The following ELMO1 variants were observed in gnomAD, a reference collection of about 807,000 sequenced individuals.
ELMO1 encodes engulfment and cell motility protein 1.
A neutral mutation model predicts 98.9 loss-of-function variants in ELMO1; 26 were observed. The ratio of observed to expected loss-of-function variants is 0.26; its 90% CI spans 0.19 to 0.36. ELMO1 has a LOEUF of 0.36. ELMO1 is among the 10% of genes least tolerant of loss of function. ELMO1 has a pLI of 1.00. For synonymous variants in ELMO1, 346 were observed against 346.0 expected, an observed-to-expected ratio of 1.00 and a Z score of 0.00; for missense variants, 627 against 935.2, an observed-to-expected ratio of 0.67 and a Z score of 4.30.
At chr7:37,088,936 G>A (rs1008008257) in intron 15 of ELMO1, among the ~76,000 whole-genome samples, 2 of 152,096 alleles carry the variant, frequency 1.3e-5, no homozygotes, top group Non-Finnish European at 2.9e-5. Flanking sequence ...AAAATTCAGG[G>A]CAGAATCAAG....
intron 16 of ELMO1, among the ~76,000 whole-genome samples, chr7:36,912,952 A>C (rs1486840498): frequency 6.6e-6 from 1 of 152,136 alleles, no homozygotes; most frequent in Non-Finnish European, 1.5e-5. Flanking sequence ...TCCCACTATA[A>C]AGCTTATTTT....
chr7:36,939,828 A>G (rs918977684), intron 16 of ELMO1, among the ~76,000 whole-genome samples: 3 of 152,256 alleles, frequency 2.0e-5, no homozygotes, highest in African/African-American at 7.2e-5. Context: ...GGCCGGAGGC[A>G]TGCGTGGAGT....
At chr7:37,086,477 T>C (rs1369160062) in intron 15 of ELMO1, among the ~76,000 whole-genome samples, 1 of 151,844 alleles carries the variant, frequency 6.6e-6, no homozygotes, top group African/African-American at 2.4e-5. Flanking sequence ...GCGCAGTGGC[T>C]CACACCTGTA....
rs144313321 is a variant in ELMO1, at chr7:36,898,828, G to A, written c.1438-3811C>T. Among the ~76,000 whole-genome samples the A allele has an allele frequency of 3.3e-3, 502 of 152,334 alleles. 7 individuals carry two copies. Among genetic ancestry groups the A allele is most frequent in the South Asian group, 0.026 (125 of 4,826 alleles). On this transcript the variant is annotated intron_variant, in intron 16 of 21. Coordinates refer to ENST00000310758, the MANE Select transcript of ELMO1 (RefSeq NM_014800.11). ...CGACACTGGAGGCCCTGTGCCGGAT[G>A]AGCTCTCAGCCTGGGACAGTGGAAA... is the stretch of plus-strand genomic sequence containing the variant.
chr7:36,900,331 A>G (rs1355387135), intron 16 of ELMO1, among the ~76,000 whole-genome samples: 1 of 152,224 alleles, frequency 6.6e-6, no homozygotes, highest in Non-Finnish European at 1.5e-5. Context: ...GAGGGCAGGA[A>G]CTATTTCTTA....
chr7:37,359,284 A>T (rs1458954627), intron 1 of ELMO1, among the ~76,000 whole-genome samples: 1 of 152,226 alleles, frequency 6.6e-6, no homozygotes, highest in East Asian at 1.9e-4. Context: ...AGCAGAATAC[A>T]GCAGTTAACA....
At chr7:36,877,981 TC>T in intron 19 of ELMO1, 28 bp downstream of exon 19, 1 of 1,563,990 alleles carries the variant, frequency 6.4e-7, no homozygotes, top group Non-Finnish European at 8.8e-7. Context: ...CGACCACCAC[TC>T]AGGCCTCTGC....
intron 19 of ELMO1, among the ~76,000 whole-genome samples, chr7:36,872,417 C>T (rs1036835718): frequency 2.0e-5 from 3 of 152,208 alleles, no homozygotes; most frequent in South Asian, 2.1e-4. Context: ...TGTTGTATAA[C>T]GTGAGTGAGA....
At chr7:37,169,951 G>T (rs1477903595) in intron 13 of ELMO1, among the ~76,000 whole-genome samples, 1 of 152,066 alleles carries the variant, frequency 6.6e-6, no homozygotes, top group Non-Finnish European at 1.5e-5. Context: ...ACCCAGGCTG[G>T]AGTGCAATGG....
At chr7:37,425,003 G>C (rs895257685) in intron 1 of ELMO1, among the ~76,000 whole-genome samples, 7 of 152,106 alleles carry the variant, frequency 4.6e-5, no homozygotes, top group Non-Finnish European at 8.8e-5. Context: ...AAACAAAGAT[G>C]AAAGATGAAA....
At chr7:37,097,891 T>C (rs957364449) in intron 14 of ELMO1, among the ~76,000 whole-genome samples, 3 of 152,322 alleles carry the variant, frequency 2.0e-5, no homozygotes, top group African/African-American at 7.2e-5. Flanking sequence ...GCTCAATCCC[T>C]CCTCTGAAAA....
At chr7:36,931,787 G>T (rs1233205741) in intron 16 of ELMO1, among the ~76,000 whole-genome samples, 1 of 152,170 alleles carries the variant, frequency 6.6e-6, no homozygotes, top group East Asian at 1.9e-4. Context: ...CGTAACCTTG[G>T]GCACACGTGG....
intron 15 of ELMO1, among the ~76,000 whole-genome samples, chr7:37,048,406 G>C (rs1248779024): frequency 3.9e-5 from 6 of 152,178 alleles, no homozygotes. Context: ...TTATATAACT[G>C]ATTCCAATTC....
At chr7:37,164,725 G>A (rs1318112210) in intron 13 of ELMO1, among the ~76,000 whole-genome samples, 1 of 149,826 alleles carries the variant, frequency 6.7e-6, no homozygotes, top group African/African-American at 2.4e-5. Context: ...GTACCATGCT[G>A]TTTTGGTTAC....
chr7:37,325,361 A>G (rs1799744835), intron 2 of ELMO1, among the ~76,000 whole-genome samples: 1 of 152,214 alleles, frequency 6.6e-6, no homozygotes, highest in African/African-American at 2.4e-5. Context: ...GTTAATGAAC[A>G]TTGATTAAAA....
intron 16 of ELMO1, among the ~76,000 whole-genome samples, chr7:36,921,898 G>T (rs1785178417): frequency 6.6e-6 from 1 of 152,204 alleles, no homozygotes; most frequent in African/African-American, 2.4e-5. Flanking sequence ...CCTAAGAGTG[G>T]TAAGACCCCG....
chr7:37,314,112 T>C (rs920800916), intron 4 of ELMO1, among the ~76,000 whole-genome samples: 1 of 152,224 alleles, frequency 6.6e-6, no homozygotes, highest in Admixed American at 6.5e-5. Context: ...GAATCAAGTA[T>C]GAAGCATTAG....
intron 7 of ELMO1, among the ~76,000 whole-genome samples, chr7:37,244,129 T>C (rs1375300087): frequency 6.6e-6 from 1 of 152,126 alleles, no homozygotes. Flanking sequence ...ACTTAGTGGT[T>C]ACATACATAA....
chr7:37,315,972 C>CA lies in ELMO1; in HGVS notation c.79-13dup, dbSNP rs749880548. 2 of 1,459,658 alleles carry CA rather than the reference C, an allele frequency of 1.4e-6. No individual in the cohort carries two copies. Among genetic ancestry groups the CA allele is most frequent in the East Asian group, 5.0e-5 (2 of 40,084 alleles). The allele number at this position is 1,459,658 out of a possible 1,614,324, so 90.4% of individuals were successfully genotyped here. A position where few individuals can be genotyped will look rare whatever the true frequency, so the allele number is the denominator to read the frequency against. On this transcript the variant is annotated splice_polypyrimidine_tract_variant and intron_variant, in intron 2 of 21. Coordinates refer to ENST00000310758, the MANE Select transcript of ELMO1 (RefSeq NM_014800.11). ...GACAGTGGTTTTTTCTGCAAAATAA[C>CA]AAAAAAGGAAATACTTGTTAGTTTC...
Sources: gnomAD v4.1 joint callset for allele counts (sites outside exome capture counted in the v4.1 genomes callset) on GRCh38, gnomAD v4.1.1 for gene constraint, MANE v1.5 for transcripts, NCBI Gene and HGNC (gene_info 2026-07-23, HGNC 2026-07-21) for gene names.